NOTCH1: variants seen among roughly 807,000 people sequenced by gnomAD.
The protein encoded by NOTCH1 is neurogenic locus notch homolog protein 1.
A neutral mutation model predicts 254.8 loss-of-function variants in NOTCH1; 37 were observed. That is an observed-to-expected ratio of 0.15 (90% CI 0.11 to 0.19). NOTCH1 has a LOEUF of 0.19. Among genes scored for constraint, NOTCH1 ranks in the 10% least tolerant of loss-of-function variants. The pLI, the probability that NOTCH1 is intolerant of heterozygous loss-of-function variation, is 1.00. For synonymous variants in NOTCH1, 1,731 were observed against 1,618.1 expected, an observed-to-expected ratio of 1.07 and a Z score of -1.68; for missense variants, 2,972 against 3,708.6, an observed-to-expected ratio of 0.80 and a Z score of 5.16.
intron 31 of NOTCH1, among the ~76,000 whole-genome samples, chr9:136,499,486 T>A (rs965740273): frequency 1.3e-5 from 2 of 152,206 alleles, no homozygotes; most frequent in African/African-American, 4.8e-5. Flanking sequence ...TTGGTGACAG[T>A]GGGATCCATC....
Position 136,513,219 on chromosome 9 carries a change from C to A in NOTCH1, c.2354-85G>T. On this transcript the variant is annotated intron_variant, in intron 14 of 33. Coordinates refer to ENST00000651671, the MANE Select transcript of NOTCH1 (RefSeq NM_017617.5). The surrounding 1 kb of genome is among the most constrained non-coding windows in gnomAD (Gnocchi z 4.7). ...CCACAACAGCAGCCCTGGGCCTGCT[C>A]CCCACCCCAGGCCCCTCCTCATCTC... is the stretch of plus-strand genomic sequence containing the variant. The A allele has an allele frequency of 6.9e-7, 1 of 1,442,056 alleles. No individual in the cohort carries two copies. The highest frequency in any genetic ancestry group is 9.7e-7 in the Non-Finnish European group (1 of 1,028,562). The allele number at this position is 1,442,056 out of a possible 1,614,324, so 89.3% of individuals were successfully genotyped here. A position where few individuals can be genotyped will look rare whatever the true frequency, so the allele number is the denominator to read the frequency against.
intron 2 of NOTCH1, among the ~76,000 whole-genome samples, chr9:136,542,621 C>G (rs1177661398): frequency 7.5e-6 from 1 of 133,702 alleles, no homozygotes; most frequent in Non-Finnish European, 1.6e-5. Flanking sequence ...GTCCATTAAA[C>G]TGCTCACAGA....
rs55746948 is a variant in NOTCH1, at chr9:136,530,521, C to T, written c.141-6542G>A. ...CACTCTGGGGGCATGTGGCCAGCCC[C>T]TCCCCAAAATGCCAAGACACAGCCC... On this transcript the variant is annotated intron_variant, in intron 2 of 33. Transcript: ENST00000651671. 6.6e-3 allele frequency among the ~76,000 whole-genome samples: 1,007 copies of T among 152,332 alleles called. 1 individual carries two copies. The highest frequency in any genetic ancestry group is 0.01 in the Non-Finnish European group (688 of 68,032).
At position 136,541,719 on chromosome 9, in the gene NOTCH1, C is replaced by T. The variant is rs561633131; in HGVS notation, c.140+2305G>A. The stretch of plus-strand genomic sequence containing the variant: ...AGGGAGCCCGGGGCCTTCTCCGAAG[C>T]GGCTGCAATGTCCCCCAGACTGCTG... On this transcript the variant is annotated intron_variant, in intron 2 of 33. Transcript: ENST00000651671. 1.6e-4 allele frequency among the ~76,000 whole-genome samples: 24 copies of T among 152,332 alleles called. No individual in the cohort carries two copies. The South Asian group carries it at 1.9e-3, about 12-fold the overall frequency.
At chr9:136,510,018 AG>A in intron 17 of NOTCH1, 57 bp from the exon 18 acceptor site, 2 of 1,523,646 alleles carry the variant, frequency 1.3e-6, no homozygotes, top group Non-Finnish European at 1.8e-6. Context: ...CACCTGCGGG[AG>A]GGGGCCGGGA....
Position 136,505,019 on chromosome 9 carries a change from C to T in NOTCH1, c.4672G>A (p.Gly1558Arg), listed in dbSNP as rs751810380. ...GGTACATGCTCCGCACAGTCCAGCCCGTCCCACTCGCACTCCGCGCTGTTG... is the reference window on the plus strand; with the variant it reads ...GGTACATGCTCCGCACAGTCCAGCCTGTCCCACTCGCACTCCGCGCTGTTG... The part of the protein sequence containing the change: ...GCNSAECEWD[G>R]LDCAEHVPER... Residue 1558 changes from glycine (G) to arginine (R), a missense_variant, in exon 26 of 34, where the codon GGG (glycine) becomes AGG (arginine). Gly to Arg is a moderately radical substitution (Grantham distance 125). This residue lies in a region of NOTCH1 where 1,343 missense variants were observed against 1,557.0 expected (regional missense o/e 0.86). Coordinates refer to ENST00000651671, the MANE Select transcript of NOTCH1 (RefSeq NM_017617.5). 2 of 1,605,522 alleles carry T rather than the reference C, an allele frequency of 1.2e-6. No individual in the cohort carries two copies. Among genetic ancestry groups the T allele is most frequent in the African/African-American group, 1.3e-5 (1 of 74,948 alleles).
chr9:136,497,353 A>C lies in NOTCH1; in HGVS notation c.6386T>G (p.Leu2129Arg), dbSNP rs1374634055. The C allele has an allele frequency of 3.1e-6, 5 of 1,606,796 alleles. No homozygotes were observed. The highest frequency in any genetic ancestry group is 2.5e-6 in the Non-Finnish European group (3 of 1,179,238). The change falls in exon 34 of 34, where the codon CTG (leucine) becomes CGG (arginine). Residue 2129 changes from leucine to arginine, a missense_variant. Physicochemically the swap from Leu to Arg is moderately radical, Grantham distance 102. Coordinates refer to ENST00000651671, the MANE Select transcript of NOTCH1 (RefSeq NM_017617.5). ...VRSPQLHGAP[L>R]GGTPTLSPPL... ...GGGCGACAGGGTGGGCGTGCCCCCC[A>C]GCGGGGCTCCGTGCAGCTGCGGGCT...
chr9:136,512,928 C>CCCCCCTCACCCGTG, intron 15 of NOTCH1, 93 bp downstream of exon 15: 1 of 398,620 alleles, frequency 2.5e-6, no homozygotes, highest in Non-Finnish European at 4.7e-6. Context: ...TGGCCCCACC[C>CCCCCCTCACCCGTG]TCTCCAGCAC....
rs2133371514 is a variant in NOTCH1 at position 136,518,787 on chromosome 9, C to T, written c.903G>A (p.Leu301=). The change falls in exon 6 of 34, where the codon CTG becomes CTA. Residue 301 remains leucine, a synonymous_variant. Coordinates refer to ENST00000651671, the MANE Select transcript of NOTCH1 (RefSeq NM_017617.5). ...CGCCGTTCTGGCAGGCATTTGGCATCAGCTGGCACTCGTCCACATCCTCGG... is the reference window on the plus strand; with the variant it reads ...CGCCGTTCTGGCAGGCATTTGGCATTAGCTGGCACTCGTCCACATCCTCGG... ...YCTEDVDECQ[L]MPNACQNGGT... is the part of the protein sequence containing the mutation. 2 of 1,612,892 alleles carry T rather than the reference C, an allele frequency of 1.2e-6. No homozygotes were observed. The highest frequency in any genetic ancestry group is 1.7e-6 in the Non-Finnish European group (2 of 1,179,982).
At chr9:136,538,422 T>C (rs1392681593) in intron 2 of NOTCH1, among the ~76,000 whole-genome samples, 1 of 152,126 alleles carries the variant, frequency 6.6e-6, no homozygotes, top group African/African-American at 2.4e-5. Flanking sequence ...ATGGGGAAAC[T>C]GAGGCCCAGG....
At chr9:136,523,640 C>T (rs1279610334) in intron 3 of NOTCH1, 77 bp downstream of exon 3, 2 of 1,534,124 alleles carry the variant, frequency 1.3e-6, no homozygotes, top group African/African-American at 2.7e-5. Context: ...TGGATCCCGC[C>T]AAGTACCTCA....
chr9:136,509,875 C>G lies in NOTCH1; in HGVS notation c.2827G>C (p.Glu943Gln), dbSNP rs2133351023. 1 of 1,613,204 alleles carries G rather than the reference C, an allele frequency of 6.2e-7. No homozygotes were observed. Among genetic ancestry groups the G allele is most frequent in the Non-Finnish European group, 8.5e-7 (1 of 1,180,030 alleles). ...CTGGCACACTCGTTGATGTCCTCCT[C>G]ACAGAAAGTGCCCCGGAAGCCGGGC... Reference protein sequence around the residue: ...CLPGFRGTFCEEDINECASDP... With the variant: ...CLPGFRGTFCQEDINECASDP... Residue 943 changes from glutamate (E) to glutamine (Q), a missense_variant, in exon 18 of 34, where the codon GAG becomes CAG. Around this residue, in one of 8 missense-constraint regions of NOTCH1, gnomAD observed 1,343 missense variants for 1,557.0 expected, o/e 0.86. Coordinates refer to ENST00000651671, the MANE Select transcript of NOTCH1 (RefSeq NM_017617.5).
chr9:136,537,559 T>C (rs924852523), intron 2 of NOTCH1, among the ~76,000 whole-genome samples: 5 of 152,164 alleles, frequency 3.3e-5, no homozygotes, highest in Non-Finnish European at 7.3e-5. Context: ...ATGGACTAGA[T>C]GTCAAGCAAC....
rs1370033409 is a variant in NOTCH1, at chr9:136,506,644, G to T, written c.3902-5C>A. The T allele has an allele frequency of 1.2e-6, 2 of 1,604,130 alleles. No individual in the cohort carries two copies. Among genetic ancestry groups the T allele is most frequent in the Non-Finnish European group, 1.7e-6 (2 of 1,176,160 alleles). ...TGACGGACTCGCAGCGGCGCCCTAG[G>T]GGTAAGAGCAGGGCAGTGAGAGGCT... On this transcript the variant is annotated splice_region_variant and splice_polypyrimidine_tract_variant and intron_variant, in intron 23 of 33. Coordinates refer to ENST00000651671, the MANE Select transcript of NOTCH1 (RefSeq NM_017617.5). The surrounding 1 kb of genome is among the most constrained non-coding windows in gnomAD (Gnocchi z 4.5).
At chr9:136,528,403 G>A in intron 2 of NOTCH1, among the ~76,000 whole-genome samples, 1 of 115,016 alleles carries the variant, frequency 8.7e-6, no homozygotes, top group African/African-American at 3.6e-5. Flanking sequence ...GGGGGGGGAT[G>A]GGCAGGGACA....
intron 10 of NOTCH1, 77 bp downstream of exon 10, chr9:136,515,904 T>C (rs1843260134): frequency 2.3e-6 from 3 of 1,299,920 alleles, no homozygotes; most frequent in South Asian, 2.5e-5. Context: ...AAGGTGTCCA[T>C]GACCTTGTCA....
Position 136,544,062 on chromosome 9 carries a change from G to A in NOTCH1, c.102C>T (p.Gly34=), listed in dbSNP as rs777575093. The A allele has an allele frequency of 9.5e-6, 15 of 1,581,172 alleles. No homozygotes were observed. Among genetic ancestry groups the A allele is most frequent in the Admixed American group, 3.6e-5 (2 of 55,686 alleles). Residue 34 remains glycine (G), a synonymous_variant, in exon 2 of 34, where the codon GGC becomes GGT. Coordinates refer to ENST00000651671, the MANE Select transcript of NOTCH1 (RefSeq NM_017617.5). ...CSQPGETCLN[G]GKCEAANGTE... The stretch of plus-strand genomic sequence containing the variant: ...TGCCATTGGCCGCTTCACACTTCCC[G>A]CCATTCAGGCAGGTCTCACCGGGCT...
chr9:136,498,841 T>A, intron 33 of NOTCH1, 58 bp downstream of exon 33: 1 of 1,594,034 alleles, frequency 6.3e-7, no homozygotes, highest in Non-Finnish European at 8.6e-7. Flanking sequence ...GGTTTGGCCC[T>A]CACTTCTCTG....
Position 136,513,523 on chromosome 9 carries a change from C to T in NOTCH1, c.2222G>A (p.Cys741Tyr), listed in dbSNP as rs758958415. 1 of 1,613,082 alleles carries T rather than the reference C, an allele frequency of 6.2e-7. No individual in the cohort carries two copies. Among genetic ancestry groups the T allele is most frequent in the Non-Finnish European group, 8.5e-7 (1 of 1,179,986 alleles). The change falls in exon 14 of 34, where the codon TGT becomes TAT. Residue 741 changes from cysteine to tyrosine, a missense_variant. By Grantham distance (194) the Cys-to-Tyr change is radical. This residue lies in a region of NOTCH1 where 1,343 missense variants were observed against 1,557.0 expected (regional missense o/e 0.86). Coordinates refer to ENST00000651671, the MANE Select transcript of NOTCH1 (RefSeq NM_017617.5). This position sits in a 1 kb window ranked among gnomAD's most constrained non-coding sequence, Gnocchi z 4.7. ...RDSLNGYKCD[C>Y]DPGWSGTNCD... ...GTTGGTCCCACTCCACCCAGGGTCA[C>T]AGTCGCACTTGTACCTGCAAGGGGG...
Sources: gnomAD v4.1 joint callset for allele counts (sites outside exome capture counted in the v4.1 genomes callset) on GRCh38, gnomAD v4.1.1 for gene constraint, gnomAD v4.1.1 regional missense constraint, Gnocchi (gnomAD v3.1) non-coding constraint, MANE v1.5 for transcripts, NCBI Gene and HGNC (gene_info 2026-07-23, HGNC 2026-07-21) for gene names.